The following HPGD variants were observed in gnomAD, a reference collection of about 807,000 sequenced individuals.
HPGD encodes 15-hydroxyprostaglandin dehydrogenase [NAD(+)].
HPGD carries 29 observed loss-of-function variants against 30.0 expected under a neutral mutation model. That is an observed-to-expected ratio of 0.97 (90% CI 0.72 to 1.32). HPGD has a LOEUF of 1.32. Ranked by LOEUF, HPGD falls within the 40% of genes most tolerant of loss-of-function variation. The pLI is 0.00. For synonymous variants in HPGD, 99 were observed against 112.4 expected (o/e 0.88, Z 0.75); for missense variants, 340 against 322.1 (o/e 1.06, Z -0.43).
Position 174,493,238 on chromosome 4 carries a change from T to A in HPGD, c.575A>T (p.Glu192Val). Residue 192 changes from glutamate (E) to valine (V), a missense_variant, in exon 6 of 7, where the codon GAA becomes GTA. Physicochemically the swap from Glu to Val is moderately radical, Grantham distance 121. Transcript: ENST00000296522. Reference sequence around the variant, plus strand: ...CATGTTTTCTTCTTTTTCAATTGATTCAAGGATGGCTGTGTTAACAAAGCC... The same window carrying A: ...CATGTTTTCTTCTTTTTCAATTGATACAAGGATGGCTGTGTTAACAAAGCC... ...CPGFVNTAIL[E>V]SIEKEENMGQ... The A allele has an allele frequency of 6.2e-7, 1 of 1,613,034 alleles. No individual in the cohort carries two copies. The highest frequency in any genetic ancestry group is 8.5e-7 in the Non-Finnish European group (1 of 1,179,172).
At chr4:174,509,872 T>C (rs938777470) in intron 3 of HPGD, among the ~76,000 whole-genome samples, 4 of 151,160 alleles carry the variant, frequency 2.6e-5, no homozygotes, top group Admixed American at 2.0e-4. Context: ...CTTATATCCA[T>C]GTGTAGGCAC....
intron 4 of HPGD, among the ~76,000 whole-genome samples, chr4:174,505,568 C>T (rs1432466176): frequency 6.6e-6 from 1 of 152,110 alleles, no homozygotes; most frequent in Admixed American, 6.5e-5. Flanking sequence ...ATTACAATAT[C>T]CTGAATTTTT....
chr4:174,514,046 C>G (rs2110856239), intron 3 of HPGD, among the ~76,000 whole-genome samples: 1 of 151,950 alleles, frequency 6.6e-6, no homozygotes, highest in South Asian at 2.1e-4. Flanking sequence ...AGATGACACC[C>G]AAACCAAATA....
chr4:174,516,144 A>G (rs1483657307), intron 3 of HPGD, among the ~76,000 whole-genome samples: 5 of 152,206 alleles, frequency 3.3e-5, no homozygotes, highest in Non-Finnish European at 5.9e-5. Flanking sequence ...ATTACTGGGT[A>G]TATACCCAAA....
intron 4 of HPGD, among the ~76,000 whole-genome samples, chr4:174,499,047 C>T (rs893894173): frequency 3.3e-5 from 5 of 152,140 alleles, no homozygotes; most frequent in African/African-American, 7.2e-5. Flanking sequence ...TGGTTAACCA[C>T]GCTTCCACTA....
intron 4 of HPGD, among the ~76,000 whole-genome samples, chr4:174,500,638 C>G (rs1579279480): frequency 6.6e-6 from 1 of 152,242 alleles, no homozygotes; most frequent in East Asian, 1.9e-4. Flanking sequence ...AAGAAGCCAA[C>G]CTGAAAAGGC....
rs1172475174 is a variant in HPGD, at chr4:174,500,507, G to C, written c.422-4883C>G. On this transcript the variant is annotated intron_variant, in intron 4 of 6. Coordinates refer to ENST00000296522, the MANE Select transcript of HPGD (RefSeq NM_000860.6). ...CTTGGAAGCAACCTAGTGTCCTTTA[G>C]TAGTTGAATGAACAAATAAACTGTG... is the stretch of plus-strand genomic sequence containing the variant. 5.3e-5 allele frequency among the ~76,000 whole-genome samples: 8 copies of C among 152,176 alleles called. No homozygotes were observed. In the East Asian group the frequency reaches 7.7e-4, roughly 15 times the overall value.
Position 174,497,568 on chromosome 4 carries a change from C to CTTTTCTTTTTTTTTTTTT in HPGD, c.422-1945_422-1944insAAAAAAAAAAAAAGAAAA, listed in dbSNP as rs1553998366. Among the ~76,000 whole-genome samples, 55 of 51,108 alleles carry CTTTTCTTTTTTTTTTTTT rather than the reference C, an allele frequency of 1.1e-3. 5 individuals carry two copies. The highest frequency in any genetic ancestry group is 3.6e-3 in the African/African-American group (54 of 14,972). 33.5% of individuals were successfully genotyped at this position (51,108 alleles called of 152,430 possible). On this transcript the variant is annotated intron_variant, in intron 4 of 6. Coordinates refer to ENST00000296522, the MANE Select transcript of HPGD (RefSeq NM_000860.6). The stretch of plus-strand genomic sequence containing the variant: ...CACTTTCTTTTCTTTCTTTTTCTTT[C>CTTTTCTTTTTTTTTTTTT]TTTTTTTTTTTTTTTTTTTTTTTTT...
chr4:174,491,802 A>C lies in HPGD; in HGVS notation c.*154T>G. 1 of 680,452 alleles carries C rather than the reference A, an allele frequency of 1.5e-6. No individual in the cohort carries two copies. The highest frequency in any genetic ancestry group is 1.7e-5 in the South Asian group (1 of 58,070). The allele number at this position is 680,452 out of a possible 1,614,324, so 42.2% of individuals were successfully genotyped here. A position where few individuals can be genotyped will look rare whatever the true frequency, so the allele number is the denominator to read the frequency against. ...ATAGTTCATAACTTTTTATCCATAT[A>C]CTTAACTAAAAATTTAGAAAACGTT... On this transcript the variant is annotated 3_prime_UTR_variant, in exon 7 of 7. Coordinates refer to ENST00000296522, the MANE Select transcript of HPGD (RefSeq NM_000860.6).
In HPGD at chr4:174,499,773, T is replaced by C. The variant is rs185232338; in HGVS notation, c.422-4149A>G. On this transcript the variant is annotated intron_variant, in intron 4 of 6. Transcript: ENST00000296522. Reference sequence around the variant, plus strand: ...GGCTGGTCTCCTATCTCACATTCACTGGCAGCTTCTTCTTCATGTCTTTGG... The same window carrying C: ...GGCTGGTCTCCTATCTCACATTCACCGGCAGCTTCTTCTTCATGTCTTTGG... Among the ~76,000 whole-genome samples, 4 of 152,338 alleles carry C rather than the reference T, an allele frequency of 2.6e-5. No homozygotes were observed. In the East Asian group the frequency reaches 7.7e-4, roughly 29 times the overall value.
At chr4:174,502,982 C>T (rs1734994381) in intron 4 of HPGD, among the ~76,000 whole-genome samples, 1 of 152,202 alleles carries the variant, frequency 6.6e-6, no homozygotes. Flanking sequence ...GAATCTGCAT[C>T]TGACAAAGTC....
intron 3 of HPGD, among the ~76,000 whole-genome samples, chr4:174,511,677 C>T (rs1032952603): frequency 8.5e-5 from 13 of 152,084 alleles, no homozygotes; most frequent in African/African-American, 3.1e-4. Context: ...GACAGAGTCT[C>T]GCTCTGTCGC....
chr4:174,511,938 TC>T (rs1278425508), intron 3 of HPGD, among the ~76,000 whole-genome samples: 2 of 152,116 alleles, frequency 1.3e-5, no homozygotes, highest in African/African-American at 4.8e-5. Flanking sequence ...GAGTCACCGC[TC>T]CCGGCCTGCT....
chr4:174,517,871 G>T, intron 3 of HPGD, 100 bp downstream of exon 3: 1 of 661,804 alleles, frequency 1.5e-6, no homozygotes. Flanking sequence ...CAATATTGTA[G>T]GTCATTGTTT....
At position 174,493,282 on chromosome 4, in the gene HPGD, TCTCACA is replaced by T; in HGVS notation, c.525_530del (p.Val176_Arg177del). ...CAAAGCCTGGACAAATGGCATTCAG[TCTCACA>T]CCACTGTTCATAAGATTAGCAGCCA... On this transcript the variant is annotated inframe_deletion, in exon 6 of 7. Transcript: ENST00000296522. The T allele has an allele frequency of 8.1e-6, 13 of 1,613,314 alleles. No homozygotes were observed. The highest frequency in any genetic ancestry group is 1.1e-5 in the Non-Finnish European group (13 of 1,179,422).
chr4:174,493,277 T>G lies in HPGD; in HGVS notation c.536A>C (p.Asn179Thr), dbSNP rs879056988. ...ANLMNSGVRL[N>T]AICPGFVNTA... ...GTTAACAAAGCCTGGACAAATGGCA[T>G]TCAGTCTCACACCACTGTTCATAAG... Residue 179 changes from asparagine (N) to threonine (T), a missense_variant, in exon 6 of 7, where the codon AAT becomes ACT. Transcript: ENST00000296522. 1.9e-6 allele frequency: 3 copies of G among 1,613,332 alleles called. No homozygotes were observed. Among genetic ancestry groups the G allele is most frequent in the South Asian group, 2.2e-5 (2 of 91,074 alleles).
intron 3 of HPGD, among the ~76,000 whole-genome samples, chr4:174,510,247 A>G (rs1469459705): frequency 1.3e-5 from 2 of 151,052 alleles, no homozygotes; most frequent in African/African-American, 4.8e-5. Flanking sequence ...TGGAGGTTCT[A>G]TTCACTTAAG....
chr4:174,503,129 C>T (rs1030964875), intron 4 of HPGD, among the ~76,000 whole-genome samples: 1 of 152,156 alleles, frequency 6.6e-6, no homozygotes. Context: ...TTTAATCATT[C>T]CTACTGATTA....
intron 3 of HPGD, among the ~76,000 whole-genome samples, chr4:174,511,913 T>C (rs1735524639): frequency 6.6e-6 from 1 of 152,208 alleles, no homozygotes; most frequent in Admixed American, 6.5e-5. Context: ...CCCAAAGTGC[T>C]GGGATTACAG....
Sources: allele counts gnomAD v4.1 joint callset (sites outside exome capture counted in the v4.1 genomes callset), GRCh38; gene constraint gnomAD v4.1.1; transcripts MANE v1.5; gene names NCBI Gene and HGNC (gene_info 2026-07-23, HGNC 2026-07-21).